Variants in TNC observed in about 807,000 individuals in gnomAD.
The protein encoded by TNC is tenascin.
TNC carries 109 observed loss-of-function variants against 202.4 expected under a neutral mutation model. The ratio of observed to expected loss-of-function variants is 0.54; its 90% CI spans 0.46 to 0.63. The LOEUF is 0.63. Ranked by LOEUF, TNC falls within the 30% of genes least tolerant of loss-of-function variation. The pLI, the probability that TNC is intolerant of heterozygous loss-of-function variation, is 0.00. For missense variants in TNC, 2,756 were observed against 2,833.3 expected (o/e 0.97, Z 0.62); for synonymous variants, 1,007 against 1,089.7 (o/e 0.92, Z 1.50).
At chr9:115,069,232 A>G (rs1381332913) in intron 10 of TNC, among the ~76,000 whole-genome samples, 1 of 152,154 alleles carries the variant, frequency 6.6e-6, no homozygotes, top group African/African-American at 2.4e-5. Context: ...CCTGAGAGCT[A>G]CTGGGTTGTC....
Position 115,086,442 on chromosome 9 carries a change from G to C in TNC, c.1289C>G (p.Thr430Ser), listed in dbSNP as rs764222469. 6 of 1,613,604 alleles carry C rather than the reference G, an allele frequency of 3.7e-6. No homozygotes were observed. In the South Asian group the frequency reaches 5.5e-5, roughly 15 times the overall value. ...NGQCVCDEGY[T>S]GEDCSQLRCP... ...CCGTAGCTGGCTGCAGTCCTCCCCA[G>C]TATAGCCCTCATCACACACACACTG... Residue 430 changes from threonine (T) to serine (S), a missense_variant, in exon 3 of 28, where the codon ACT becomes AGT. By Grantham distance (58) the Thr-to-Ser change is moderately conservative. Transcript: ENST00000350763.
chr9:115,095,446 GTATATATATATGTATATATATA>G (rs1835572277), intron 1 of TNC, among the ~76,000 whole-genome samples: 1 of 96,162 alleles, frequency 1.0e-5, no homozygotes, highest in East Asian at 2.4e-4. Flanking sequence ...CGTGGTATGT[GTATATATATATGTATATATATA>G]TGTATATATA....
At chr9:115,091,938 G>T (rs753461624) in intron 1 of TNC, among the ~76,000 whole-genome samples, 2 of 152,186 alleles carry the variant, frequency 1.3e-5, no homozygotes, top group African/African-American at 2.4e-5. Context: ...AGCTCAGAAA[G>T]GATGTCTAAG....
intron 10 of TNC, among the ~76,000 whole-genome samples, chr9:115,067,399 C>A (rs934504898): frequency 6.6e-6 from 1 of 152,236 alleles, no homozygotes; most frequent in African/African-American, 2.4e-5. Flanking sequence ...TGACAACGTA[C>A]CCCTTCGTGT....
intron 17 of TNC, 102 bp downstream of exon 17, chr9:115,046,308 C>A: frequency 7.3e-7 from 1 of 1,375,106 alleles, no homozygotes; most frequent in Non-Finnish European, 1.0e-6. Flanking sequence ...GATCAGAGCG[C>A]CAGCCTGCCT....
intron 15 of TNC, among the ~76,000 whole-genome samples, chr9:115,053,572 T>C (rs1831872884): frequency 6.6e-6 from 1 of 152,226 alleles, no homozygotes; most frequent in South Asian, 2.1e-4. Flanking sequence ...GATCAATGTA[T>C]ACCCTATCTG....
At chr9:115,023,331 C>T (rs1829230429) in intron 27 of TNC, among the ~76,000 whole-genome samples, 1 of 152,102 alleles carries the variant, frequency 6.6e-6, no homozygotes, top group African/African-American at 2.4e-5. Context: ...CAGGAATGTG[C>T]CAGTGTAGGC....
chr9:115,029,264 C>A, intron 25 of TNC, 96 bp downstream of exon 25: 1 of 1,030,010 alleles, frequency 9.7e-7, no homozygotes, highest in South Asian at 1.3e-5. Flanking sequence ...TCTTCTTCCT[C>A]ATCTCTTTCT....
At chr9:115,102,353 A>C (rs1836299696) in intron 1 of TNC, among the ~76,000 whole-genome samples, 1 of 152,234 alleles carries the variant, frequency 6.6e-6, no homozygotes, top group Non-Finnish European at 1.5e-5. Flanking sequence ...TTAAGATGCC[A>C]GACAGCCTGT....
At chr9:115,115,956 A>G (rs1837430647) in intron 1 of TNC, among the ~76,000 whole-genome samples, 2 of 152,240 alleles carry the variant, frequency 1.3e-5, no homozygotes, top group African/African-American at 4.8e-5. Context: ...TGATCTTAGA[A>G]TATTAATCTT....
At chr9:115,069,820 CT>C (rs1399882380) in intron 10 of TNC, among the ~76,000 whole-genome samples, 5 of 132,272 alleles carry the variant, frequency 3.8e-5, no homozygotes, top group Non-Finnish European at 8.1e-5. Flanking sequence ...CCCTCCCTCC[CT>C]CCCTTCCTTC....
Position 115,048,377 on chromosome 9 carries a change from C to T in TNC, c.4735G>A (p.Gly1579Arg). ...CTAAGCTCCAGCTTCCTCTGGGTTC[C>T]TGAAAGTGTGAATTCCTGGGGGTCC... ...LLDPQEFTLS[G>R]TQRKLELRGL... Residue 1579 changes from glycine to arginine, a missense_variant, in exon 16 of 28, where the codon GGA (glycine) becomes AGA (arginine). Physicochemically the swap from Gly to Arg is moderately radical, Grantham distance 125 (BLOSUM62 -2). Coordinates refer to ENST00000350763, the MANE Select transcript of TNC (RefSeq NM_002160.4). 1 of 1,614,068 alleles carries T rather than the reference C, an allele frequency of 6.2e-7. No individual in the cohort carries two copies. The highest frequency in any genetic ancestry group is 8.5e-7 in the Non-Finnish European group (1 of 1,179,978).
chr9:115,077,508 T>A (rs553730261), intron 7 of TNC, among the ~76,000 whole-genome samples: 50 of 152,352 alleles, frequency 3.3e-4, no homozygotes, highest in African/African-American at 1.2e-3. Flanking sequence ...ATATTTCTAA[T>A]AACTCACAAA....
In TNC at chr9:115,073,985, C is replaced by T. The variant is rs1200973948; in HGVS notation, c.2951-119G>A. ...GGTCTGCCACAGAGGAGCTGAGGGA[C>T]CACAGGAGAGTCACATCTCTGGGTC... On this transcript the variant is annotated intron_variant, in intron 9 of 27. Coordinates refer to ENST00000350763, the MANE Select transcript of TNC (RefSeq NM_002160.4). 5.9e-6 allele frequency: 6 copies of T among 1,017,014 alleles called. No individual in the cohort carries two copies. The Admixed American group carries it at 1.1e-4, about 18-fold the overall frequency. The allele number at this position is 1,017,014 out of a possible 1,614,324, so 63.0% of individuals were successfully genotyped here. A position where few individuals can be genotyped will look rare whatever the true frequency, so the allele number is the denominator to read the frequency against.
chr9:115,082,633 C>A, intron 5 of TNC, 59 bp downstream of exon 5: 1 of 1,282,502 alleles, frequency 7.8e-7, no homozygotes, highest in South Asian at 1.2e-5. Context: ...TCTTCAGAAC[C>A]CTTTGGTCAT....
Position 115,048,504 on chromosome 9 carries a change from G to T in TNC, c.4608C>A (p.Thr1536=), listed in dbSNP as rs1831385717. The part of the protein sequence containing the change: ...TEALPLLENL[T]ISDINPYGFT... ...ACCCGTAGGGATTAATGTCGGAAAT[G>T]GTTAGGTTTTCCAGAAGGGGCAGGG... Residue 1536 remains threonine (T), a synonymous_variant, in exon 16 of 28, where the codon ACC becomes ACA. Coordinates refer to ENST00000350763, the MANE Select transcript of TNC (RefSeq NM_002160.4). The T allele has an allele frequency of 1.9e-6, 3 of 1,613,598 alleles. No homozygotes were observed. Among genetic ancestry groups the T allele is most frequent in the Non-Finnish European group, 2.5e-6 (3 of 1,179,880 alleles).
intron 1 of TNC, among the ~76,000 whole-genome samples, chr9:115,107,547 C>G (rs971741462): frequency 1.3e-5 from 2 of 152,100 alleles, no homozygotes; most frequent in African/African-American, 4.8e-5. Flanking sequence ...TATCATTTAT[C>G]TTGTCATTTG....
chr9:115,056,583 AGG>A (rs2132425232), intron 15 of TNC, among the ~76,000 whole-genome samples: 1 of 152,284 alleles, frequency 6.6e-6, no homozygotes, highest in East Asian at 1.9e-4. Context: ...GATCTTCTAG[AGG>A]TGGTGTTGGA....
chr9:115,056,144 T>C (rs538599317), intron 15 of TNC, among the ~76,000 whole-genome samples: 2 of 152,346 alleles, frequency 1.3e-5, no homozygotes, highest in South Asian at 4.1e-4. Flanking sequence ...TCCCAGACCA[T>C]GAGTCCCCTT....
Sources: gnomAD v4.1 joint callset for allele counts (sites outside exome capture counted in the v4.1 genomes callset) on GRCh38, gnomAD v4.1.1 for gene constraint, MANE v1.5 for transcripts, NCBI Gene and HGNC (gene_info 2026-07-23, HGNC 2026-07-21) for gene names.